Variants in ABTB2 observed in about 807,000 individuals in gnomAD.
ABTB2 encodes ankyrin repeat and BTB domain containing 2.
A neutral mutation model predicts 104.1 loss-of-function variants in ABTB2; 56 were observed. The observed-to-expected ratio is 0.54, with a 90% CI of 0.43 to 0.67. The LOEUF (loss-of-function observed/expected upper bound fraction) is 0.67, where lower values mean the gene tolerates loss of function less well. Ranked by LOEUF, ABTB2 falls within the 30% of genes least tolerant of loss-of-function variation. ABTB2 has a pLI of 0.00. For synonymous variants in ABTB2, 606 were observed against 608.2 expected (o/e 1.00, Z 0.05); for missense variants, 1,279 against 1,407.7 (o/e 0.91, Z 1.46).
chr11:34,176,554 A>C (rs957989100), intron 3 of ABTB2, among the ~76,000 whole-genome samples: 5 of 152,336 alleles, frequency 3.3e-5, no homozygotes, highest in African/African-American at 9.6e-5. Context: ...AGGCAGGAAG[A>C]CAGGTTGAGC....
intron 1 of ABTB2, among the ~76,000 whole-genome samples, chr11:34,297,089 A>C (rs2755147): frequency 0.55 from 83,030 of 152,048 alleles, 23,658 homozygotes; most frequent in African/African-American, 0.72. Flanking sequence ...AAGAAAACAC[A>C]TTTTAAAAGT....
chr11:34,334,694 A>T lies in ABTB2; in HGVS notation c.883+22007T>A, dbSNP rs372616402. Among the ~76,000 whole-genome samples, 38 of 151,028 alleles carry T rather than the reference A, an allele frequency of 2.5e-4. 2 individuals are homozygous for T. The East Asian group carries it at 7.4e-3, about 29-fold the overall frequency. ...GGCATAACCATCAACCGTGTTTCCCATCCCCTCACTTTCTCTCTTACATGG... is the reference window on the plus strand; with the variant it reads ...GGCATAACCATCAACCGTGTTTCCCTTCCCCTCACTTTCTCTCTTACATGG... On this transcript the variant is annotated intron_variant, in intron 1 of 16. Transcript: ENST00000435224.
rs540027030 is a variant in ABTB2, at chr11:34,164,736, G to A, written c.1938C>T (p.Ser646=). The stretch of plus-strand genomic sequence containing the variant: ...TGAAGCAGTTCATGTCCTCGTGGAG[G>A]GAGGAGCCCATGCCGTGGGCCTCCA... ...SMLEAHGMGS[S]LHEDMNCFSH... Residue 646 remains serine, a synonymous_variant, in exon 9 of 17, where the codon TCC becomes TCT. Coordinates refer to ENST00000435224, the MANE Select transcript of ABTB2 (RefSeq NM_145804.3). 4.8e-5 allele frequency: 75 copies of A among 1,554,404 alleles called. No individual in the cohort carries two copies. In the South Asian group the frequency reaches 8.8e-4, roughly 18 times the overall value.
chr11:34,261,495 CT>C (rs34242736), intron 1 of ABTB2, among the ~76,000 whole-genome samples: 8,837 of 145,974 alleles, frequency 0.061, 327 homozygotes, highest in African/African-American at 0.1. Flanking sequence ...TAAAAAAGTA[CT>C]TTTTTTTTTT....
At chr11:34,349,623 G>A (rs1273192440) in intron 1 of ABTB2, among the ~76,000 whole-genome samples, 3 of 152,312 alleles carry the variant, frequency 2.0e-5, no homozygotes, top group Admixed American at 2.0e-4. Context: ...GGACTCTTAT[G>A]AAATTCTCAC....
chr11:34,335,202 C>G, intron 1 of ABTB2: 2 of 1,266,858 alleles, frequency 1.6e-6, no homozygotes. Flanking sequence ...ACCCCAGAGA[C>G]TATGACGAAT....
chr11:34,272,261 G>A (rs1042136943), intron 1 of ABTB2, among the ~76,000 whole-genome samples: 3 of 136,404 alleles, frequency 2.2e-5, no homozygotes, highest in Middle Eastern at 3.8e-3. Context: ...CTTTTGTTCT[G>A]ACCTCTTATT....
chr11:34,230,016 G>A (rs1482171384), intron 1 of ABTB2, among the ~76,000 whole-genome samples: 1 of 152,174 alleles, frequency 6.6e-6, no homozygotes, highest in Non-Finnish European at 1.5e-5. Context: ...CTGTTGTTCA[G>A]TTCTCAACAG....
At chr11:34,156,633 C>T (rs1391189001) in intron 14 of ABTB2, among the ~76,000 whole-genome samples, 3 of 152,140 alleles carry the variant, frequency 2.0e-5, no homozygotes, top group South Asian at 2.1e-4. Context: ...GAGCGATCCT[C>T]CTGCCTCAGC....
chr11:34,171,890 C>T (rs752467263), intron 4 of ABTB2, among the ~76,000 whole-genome samples: 2 of 152,142 alleles, frequency 1.3e-5, no homozygotes, highest in South Asian at 2.1e-4. Context: ...TTGCAATCAA[C>T]GCAACCTACA....
chr11:34,167,019 C>T (rs2133011505), intron 7 of ABTB2, among the ~76,000 whole-genome samples: 1 of 152,360 alleles, frequency 6.6e-6, no homozygotes, highest in Middle Eastern at 3.4e-3. Flanking sequence ...TGACAGGACC[C>T]TAGTGCTGCC....
chr11:34,347,401 A>G (rs1230424287), intron 1 of ABTB2, among the ~76,000 whole-genome samples: 1 of 152,180 alleles, frequency 6.6e-6, no homozygotes, highest in Non-Finnish European at 1.5e-5. Flanking sequence ...GCAGCACTGC[A>G]CTCCAACCTG....
intron 1 of ABTB2, among the ~76,000 whole-genome samples, chr11:34,298,819 G>A (rs1033564431): frequency 6.6e-6 from 1 of 152,072 alleles, no homozygotes; most frequent in African/African-American, 2.4e-5. Context: ...AAAACTGGTG[G>A]GCTTGGGGAC....
At chr11:34,281,265 C>A (rs201633109) in intron 1 of ABTB2, among the ~76,000 whole-genome samples, 1 of 152,334 alleles carries the variant, frequency 6.6e-6, no homozygotes, top group East Asian at 1.9e-4. Context: ...GATCCTGATT[C>A]CGCTATCTGC....
At chr11:34,272,716 A>AC in intron 1 of ABTB2, among the ~76,000 whole-genome samples, 1 of 149,604 alleles carries the variant, frequency 6.7e-6, no homozygotes, top group South Asian at 2.1e-4. Flanking sequence ...CAAAAAAAAA[A>AC]AAAAAAAAAA....
intron 1 of ABTB2, among the ~76,000 whole-genome samples, chr11:34,253,856 C>T (rs931677451): frequency 1.3e-5 from 2 of 152,120 alleles, no homozygotes; most frequent in African/African-American, 4.8e-5. Context: ...CTCTGGTATG[C>T]AGGGCACTGA....
intron 1 of ABTB2, among the ~76,000 whole-genome samples, chr11:34,278,815 G>A (rs1348616588): frequency 6.6e-6 from 1 of 152,320 alleles, no homozygotes; most frequent in East Asian, 1.9e-4. Flanking sequence ...GCTGTGTGCT[G>A]GCATTTCCAA....
chr11:34,279,656 A>G (rs1854426193), intron 1 of ABTB2, among the ~76,000 whole-genome samples: 1 of 152,216 alleles, frequency 6.6e-6, no homozygotes, highest in Non-Finnish European at 1.5e-5. Flanking sequence ...TCTACTCTCA[A>G]GAAGAAATCA....
intron 2 of ABTB2, 46 bp from the exon 3 acceptor site, chr11:34,197,584 A>C (rs1264071301): frequency 7.4e-7 from 1 of 1,354,962 alleles, no homozygotes; most frequent in Non-Finnish European, 1.0e-6. Flanking sequence ...GAAAAAAAGA[A>C]GACAAAGTCT....
Sources: allele counts gnomAD v4.1 joint callset (sites outside exome capture counted in the v4.1 genomes callset), GRCh38; gene constraint gnomAD v4.1.1; transcripts MANE v1.5; gene names NCBI Gene and HGNC (gene_info 2026-07-23, HGNC 2026-07-21).